Variants in SNTG2 observed in about 807,000 individuals in gnomAD.
SNTG2 encodes the protein gamma-2-syntrophin.
A neutral mutation model predicts 70.9 loss-of-function variants in SNTG2; 74 were observed. That is an observed-to-expected ratio of 1.04 (90% CI 0.86 to 1.27). The LOEUF (loss-of-function observed/expected upper bound fraction) is 1.27. Ranked by LOEUF, SNTG2 falls within the 50% of genes most tolerant of loss-of-function variation. SNTG2 has a pLI of 0.00. For missense variants in SNTG2, 717 were observed against 690.7 expected (o/e 1.04, Z -0.43); for synonymous variants, 278 against 273.8 (o/e 1.02, Z -0.15).
At chr2:1,191,917 A>G (rs962347597) in intron 8 of SNTG2, among the ~76,000 whole-genome samples, 6 of 151,992 alleles carry the variant, frequency 3.9e-5, no homozygotes, top group Non-Finnish European at 8.8e-5. Flanking sequence ...TTATTTATGT[A>G]TATATAAAAT....
At chr2:1,155,600 CTG>C (rs1198155770) in intron 6 of SNTG2, among the ~76,000 whole-genome samples, 1 of 152,210 alleles carries the variant, frequency 6.6e-6, no homozygotes, top group Non-Finnish European at 1.5e-5. Context: ...GTGCAACAAT[CTG>C]GACGTCAGCC....
intron 16 of SNTG2, among the ~76,000 whole-genome samples, chr2:1,350,316 A>G (rs10172591): frequency 0.012 from 1,864 of 152,270 alleles, 39 homozygotes; most frequent in African/African-American, 0.041. Flanking sequence ...GGTCGAATTA[A>G]TTTCAAGCCT....
chr2:1,346,381 C>T (rs1236978991), intron 16 of SNTG2: 1 of 152,222 alleles, frequency 6.6e-6, no homozygotes, highest in East Asian at 1.9e-4. Context: ...TCACCCTGAC[C>T]ACAGGGTGCA....
chr2:1,307,774 G>A (rs988024294), intron 14 of SNTG2, among the ~76,000 whole-genome samples: 2 of 152,244 alleles, frequency 1.3e-5, no homozygotes, highest in South Asian at 2.1e-4. Context: ...GGCTGCGAGT[G>A]CATTGGCAGG....
chr2:1,043,385 A>G (rs759525954), intron 1 of SNTG2, among the ~76,000 whole-genome samples: 3 of 152,078 alleles, frequency 2.0e-5, no homozygotes, highest in Non-Finnish European at 4.4e-5. Flanking sequence ...TACTCTGTTG[A>G]TAGTTTCTTT....
At chr2:1,258,343 A>G (rs1457921591) in intron 12 of SNTG2, among the ~76,000 whole-genome samples, 1 of 152,228 alleles carries the variant, frequency 6.6e-6, no homozygotes, top group Non-Finnish European at 1.5e-5. Context: ...TCCAAAAGGA[A>G]CCTTAAAGTT....
At position 1,078,937 on chromosome 2, in the gene SNTG2, C is replaced by T. The variant is rs187609354; in HGVS notation, c.73-4581C>T. ...TGCCACCCACTGGGGTTGGGGGAAT[C>T]GTTGGATGAGAAGGGGTTTTGCTTT... On this transcript the variant is annotated intron_variant, in intron 1 of 16. Coordinates refer to ENST00000308624, the MANE Select transcript of SNTG2 (RefSeq NM_018968.4). Among the ~76,000 whole-genome samples, 74 of 152,160 alleles carry T rather than the reference C, an allele frequency of 4.9e-4. 1 individual carries two copies. Among genetic ancestry groups the T allele is most frequent in the East Asian group, 1.7e-3 (9 of 5,176 alleles).
At chr2:1,065,514 A>T (rs2148123438) in intron 1 of SNTG2, among the ~76,000 whole-genome samples, 1 of 152,296 alleles carries the variant, frequency 6.6e-6, no homozygotes, top group African/African-American at 2.4e-5. Flanking sequence ...ATGTTTGCTT[A>T]CTGCTTATTT....
intron 4 of SNTG2, among the ~76,000 whole-genome samples, chr2:1,132,221 GTGTATATA>G (rs1208948320): frequency 7.0e-4 from 93 of 132,394 alleles, no homozygotes; most frequent in African/African-American, 2.0e-3. Flanking sequence ...GTATATATAT[GTGTATATA>G]TGTGTGTGTA....
chr2:1,002,420 TAAAAGTAGGC>T (rs1171811143), intron 1 of SNTG2, among the ~76,000 whole-genome samples: 5 of 151,898 alleles, frequency 3.3e-5, no homozygotes, highest in Admixed American at 1.3e-4. Flanking sequence ...AGCAACCACT[TAAAAGTAGGC>T]AAAAGTAGGC....
At chr2:1,120,507 G>C (rs1667313030) in intron 4 of SNTG2, among the ~76,000 whole-genome samples, 1 of 152,126 alleles carries the variant, frequency 6.6e-6, no homozygotes, top group Non-Finnish European at 1.5e-5. Context: ...CTGGCTATAA[G>C]AGACCCGCTT....
chr2:1,111,231 C>CTGAA (rs1244709235), intron 4 of SNTG2, among the ~76,000 whole-genome samples: 4 of 152,292 alleles, frequency 2.6e-5, no homozygotes, highest in South Asian at 4.1e-4. Context: ...GACTTAGTAG[C>CTGAA]TGAATGAGAA....
At chr2:1,127,769 C>T (rs1460524465) in intron 4 of SNTG2, among the ~76,000 whole-genome samples, 2 of 151,862 alleles carry the variant, frequency 1.3e-5, no homozygotes, top group Non-Finnish European at 2.9e-5. Flanking sequence ...GTTCATTGTT[C>T]GTACTTAGAA....
At chr2:1,158,861 A>G (rs1439739966) in intron 6 of SNTG2, among the ~76,000 whole-genome samples, 1 of 152,184 alleles carries the variant, frequency 6.6e-6, no homozygotes, top group African/African-American at 2.4e-5. Flanking sequence ...ACACCGGAAG[A>G]CAGGAATGGT....
At chr2:1,060,483 C>T (rs545451654) in intron 1 of SNTG2, among the ~76,000 whole-genome samples, 28 of 152,232 alleles carry the variant, frequency 1.8e-4, no homozygotes, top group South Asian at 6.2e-4. Flanking sequence ...CCCCAGCTCC[C>T]GGCTTTGGAT....
At position 1,173,150 on chromosome 2, in the gene SNTG2, C is replaced by T. The variant is rs368330794; in HGVS notation, c.558C>T (p.Ser186=). 45 of 1,613,948 alleles carry T rather than the reference C, an allele frequency of 2.8e-5. No homozygotes were observed. The highest frequency in any genetic ancestry group is 1.8e-4 in the East Asian group (8 of 44,878). Residue 186 remains serine, a synonymous_variant, in exon 8 of 17, where the codon AGC becomes AGT. Transcript: ENST00000308624. ...GGGCCTCCTCTCCCCTCTTTGACAGCGGTTTGCATCTGAACGGAAACTCCA... is the reference window on the plus strand; with the variant it reads ...GGGCCTCCTCTCCCCTCTTTGACAGTGGTTTGCATCTGAACGGAAACTCCA... ...SSGASSPLFD[S]GLHLNGNSST... is the part of the protein sequence containing the mutation.
intron 1 of SNTG2, among the ~76,000 whole-genome samples, chr2:982,051 CAT>C (rs972960829): frequency 3.3e-5 from 5 of 152,218 alleles, no homozygotes; most frequent in African/African-American, 1.2e-4. Context: ...TGTGCACACA[CAT>C]GTCCACACCC....
intron 8 of SNTG2, among the ~76,000 whole-genome samples, chr2:1,204,789 A>C (rs907032084): frequency 6.6e-6 from 1 of 152,344 alleles, no homozygotes; most frequent in East Asian, 1.9e-4. Context: ...AAAAAAGCAT[A>C]GTATATAACT....
At chr2:1,035,108 A>G (rs1661058717) in intron 1 of SNTG2, among the ~76,000 whole-genome samples, 1 of 152,236 alleles carries the variant, frequency 6.6e-6, no homozygotes, top group Non-Finnish European at 1.5e-5. Flanking sequence ...CTACTCCTGA[A>G]TGACTTTTGG....
Sources: gnomAD v4.1 joint callset for allele counts (sites outside exome capture counted in the v4.1 genomes callset) on GRCh38, gnomAD v4.1.1 for gene constraint, MANE v1.5 for transcripts, NCBI Gene and HGNC (gene_info 2026-07-23, HGNC 2026-07-21) for gene names.